The following IQGAP1 variants were observed in gnomAD, a reference collection of about 807,000 sequenced individuals.
The protein encoded by IQGAP1 is IQ motif containing GTPase activating protein 1.
A neutral mutation model predicts 215.6 loss-of-function variants in IQGAP1; 66 were observed. The observed-to-expected ratio is 0.31, with a 90% CI of 0.25 to 0.38. IQGAP1 has a LOEUF of 0.38. Ranked by LOEUF, IQGAP1 falls within the 10% of genes least tolerant of loss-of-function variation. The pLI, the probability that IQGAP1 is intolerant of heterozygous loss-of-function variation, is 1.00. For synonymous variants in IQGAP1, 772 were observed against 728.7 expected (o/e 1.06, Z -0.96); for missense variants, 1,712 against 1,997.1 (o/e 0.86, Z 2.72).
chr15:90,427,515 G>T (rs569557428), intron 3 of IQGAP1, among the ~76,000 whole-genome samples: 1 of 152,040 alleles, frequency 6.6e-6, no homozygotes, highest in African/African-American at 2.4e-5. Flanking sequence ...TGAGGCGGGC[G>T]GATCACTTGA....
intron 36 of IQGAP1, 55 bp downstream of exon 36, chr15:90,494,890 T>A: frequency 7.4e-7 from 1 of 1,349,226 alleles, no homozygotes; most frequent in Non-Finnish European, 1.0e-6. Flanking sequence ...ATTTATCACA[T>A]CTTTGCCTTT....
In IQGAP1 at chr15:90,499,217, A is replaced by G. The variant is rs73489066; in HGVS notation, c.4861-778A>G. Among the ~76,000 whole-genome samples the G allele has an allele frequency of 5.3e-3, 810 of 152,330 alleles. 11 individuals carry two copies. The highest frequency in any genetic ancestry group is 0.019 in the African/African-American group (793 of 41,584). ...AGATTTCTTAAACTTGTTCAGGACA[A>G]TGGTGAAAGTAGCAGGAAAAGCGGG... On this transcript the variant is annotated intron_variant, in intron 37 of 37. Coordinates refer to ENST00000268182, the MANE Select transcript of IQGAP1 (RefSeq NM_003870.4).
intron 18 of IQGAP1, among the ~76,000 whole-genome samples, chr15:90,469,888 G>A (rs1324332000): frequency 6.6e-6 from 1 of 152,186 alleles, no homozygotes; most frequent in Non-Finnish European, 1.5e-5. Context: ...GGCGAATGGT[G>A]TATTACCTGG....
rs572950915 is a variant in IQGAP1, at chr15:90,416,778, C to T, written c.156-9332C>T. On this transcript the variant is annotated intron_variant, in intron 2 of 37. Coordinates refer to ENST00000268182, the MANE Select transcript of IQGAP1 (RefSeq NM_003870.4). ...ATTTTTAGTAGAGATGGGAGTTCTC[C>T]GTGTTAGCCAGGATGGTCTCGATCT... 7.9e-5 allele frequency among the ~76,000 whole-genome samples: 12 copies of T among 152,242 alleles called. No homozygotes were observed. The South Asian group carries it at 2.1e-3, about 26-fold the overall frequency.
intron 32 of IQGAP1, 93 bp downstream of exon 32, chr15:90,487,182 C>T (rs1302959147): frequency 2.4e-6 from 3 of 1,228,160 alleles, no homozygotes; most frequent in Admixed American, 1.8e-5. Flanking sequence ...CTGAAATGAC[C>T]ATCCTGACCT....
intron 2 of IQGAP1, among the ~76,000 whole-genome samples, chr15:90,414,182 C>CA (rs1326197313): frequency 6.6e-6 from 1 of 151,986 alleles, no homozygotes; most frequent in African/African-American, 2.4e-5. Context: ...TGGCTGGGTG[C>CA]AGTGACTCAT....
At chr15:90,426,499 T>C in intron 3 of IQGAP1, among the ~76,000 whole-genome samples, 1 of 137,788 alleles carries the variant, frequency 7.3e-6, no homozygotes, top group African/African-American at 2.6e-5. Context: ...CCCCCTACCC[T>C]GTCCCCCCAC....
chr15:90,399,004 CAAAA>C (rs771595366), intron 2 of IQGAP1, among the ~76,000 whole-genome samples: 128 of 86,866 alleles, frequency 1.5e-3, no homozygotes, highest in East Asian at 8.6e-3. Flanking sequence ...GACATTGTCT[CAAAA>C]AAAAAAAAAA....
At chr15:90,401,159 G>T (rs931803476) in intron 2 of IQGAP1, among the ~76,000 whole-genome samples, 2 of 151,992 alleles carry the variant, frequency 1.3e-5, no homozygotes, top group Non-Finnish European at 2.9e-5. Context: ...TCAAATCAGG[G>T]CTCTGCTCCT....
intron 37 of IQGAP1, among the ~76,000 whole-genome samples, chr15:90,499,400 T>C (rs1369819890): frequency 6.6e-6 from 1 of 152,234 alleles, no homozygotes; most frequent in Non-Finnish European, 1.5e-5. Context: ...GTAATGTGCT[T>C]ACACAATGCC....
intron 2 of IQGAP1, among the ~76,000 whole-genome samples, chr15:90,411,184 CCT>C (rs2151007333): frequency 6.6e-6 from 1 of 152,152 alleles, no homozygotes; most frequent in East Asian, 1.9e-4. Context: ...GTTAGATGTT[CCT>C]CTCTCATGTA....
At chr15:90,410,883 CA>C (rs1049594387) in intron 2 of IQGAP1, among the ~76,000 whole-genome samples, 1 of 150,266 alleles carries the variant, frequency 6.7e-6, no homozygotes, top group Non-Finnish European at 1.5e-5. Flanking sequence ...AAGATCCCCT[CA>C]AAAAAAAGAA....
intron 33 of IQGAP1, 63 bp downstream of exon 33, chr15:90,487,645 T>G: frequency 8.9e-7 from 1 of 1,120,106 alleles, no homozygotes; most frequent in Non-Finnish European, 1.3e-6. Flanking sequence ...TAGGCGCATG[T>G]CAGAGAAAGG....
intron 2 of IQGAP1, among the ~76,000 whole-genome samples, chr15:90,424,512 C>T (rs916081490): frequency 1.3e-5 from 2 of 152,242 alleles, no homozygotes; most frequent in East Asian, 1.9e-4. Context: ...TTAGAGAGTA[C>T]GCTGCCTAAT....
intron 9 of IQGAP1, among the ~76,000 whole-genome samples, chr15:90,447,295 G>A (rs1411048203): frequency 1.3e-5 from 2 of 152,156 alleles, no homozygotes; most frequent in Non-Finnish European, 2.9e-5. Flanking sequence ...GGAGCCTACA[G>A]TGAGACCTCA....
At chr15:90,460,057 G>A (rs1351802405) in intron 15 of IQGAP1, among the ~76,000 whole-genome samples, 1 of 152,106 alleles carries the variant, frequency 6.6e-6, no homozygotes, top group African/African-American at 2.4e-5. Flanking sequence ...CTGCAGTACT[G>A]TGTAGGAAAG....
At chr15:90,443,861 C>T (rs1315145306) in intron 9 of IQGAP1, among the ~76,000 whole-genome samples, 1 of 152,006 alleles carries the variant, frequency 6.6e-6, no homozygotes, top group Non-Finnish European at 1.5e-5. Flanking sequence ...GTCAGAAGTT[C>T]GAGACCAGCC....
intron 2 of IQGAP1, among the ~76,000 whole-genome samples, chr15:90,393,106 TA>T (rs11359516): frequency 0.55 from 79,549 of 143,742 alleles, 22,588 homozygotes; most frequent in African/African-American, 0.71. Flanking sequence ...CTGGGGAACT[TA>T]AAAAAAAAAA....
intron 7 of IQGAP1, 142 bp from the exon 8 acceptor site, chr15:90,441,364 G>A (rs1434968931): frequency 1.0e-5 from 7 of 700,394 alleles, no homozygotes; most frequent in Admixed American, 8.8e-5. Context: ...GCCAGTCTTC[G>A]AACCCCAGTT....
Sources: allele counts gnomAD v4.1 joint callset (sites outside exome capture counted in the v4.1 genomes callset), GRCh38; gene constraint gnomAD v4.1.1; transcripts MANE v1.5; gene names NCBI Gene and HGNC (gene_info 2026-07-23, HGNC 2026-07-21).